Variants in GALNTL6 observed in about 807,000 individuals in gnomAD.
GALNTL6 encodes the protein polypeptide N-acetylgalactosaminyltransferase like 6.
GALNTL6 carries 46 observed loss-of-function variants against 73.7 expected under a neutral mutation model. That is an observed-to-expected ratio of 0.62 (90% CI 0.49 to 0.80). GALNTL6 has a LOEUF of 0.80. Among genes scored for constraint, GALNTL6 ranks in the 30% least tolerant of loss-of-function variants. The pLI, the probability that GALNTL6 is intolerant of heterozygous loss-of-function variation, is 0.00. For synonymous variants in GALNTL6, 259 were observed against 263.7 expected (o/e 0.98, Z 0.17); for missense variants, 604 against 755.0 (o/e 0.80, Z 2.34).
chr4:172,092,847 T>C (rs999230269), intron 2 of GALNTL6, among the ~76,000 whole-genome samples: 1 of 151,458 alleles, frequency 6.6e-6, no homozygotes, highest in Non-Finnish European at 1.5e-5. Flanking sequence ...AGTTTACTAT[T>C]AAGGCTAAAG....
chr4:172,158,187 T>A (rs1031310304), intron 2 of GALNTL6, among the ~76,000 whole-genome samples: 6 of 152,224 alleles, frequency 3.9e-5, no homozygotes, highest in African/African-American at 1.4e-4. Flanking sequence ...TCCTAGGCAA[T>A]TAAAAATCTG....
chr4:172,416,807 C>A (rs763795993), intron 5 of GALNTL6, among the ~76,000 whole-genome samples: 35 of 152,196 alleles, frequency 2.3e-4, no homozygotes, highest in Non-Finnish European at 4.6e-4. Context: ...ACTTGAGACA[C>A]AAAACATTTA....
At chr4:172,039,105 G>A (rs1345269262) in intron 2 of GALNTL6, among the ~76,000 whole-genome samples, 1 of 151,996 alleles carries the variant, frequency 6.6e-6, no homozygotes, top group Admixed American at 6.6e-5. Context: ...TATTTCTTTT[G>A]TTCTTCATTT....
intron 2 of GALNTL6, among the ~76,000 whole-genome samples, chr4:171,940,105 T>C (rs981764624): frequency 3.5e-4 from 54 of 152,244 alleles, no homozygotes; most frequent in Admixed American, 1.3e-3. Flanking sequence ...ATCTATCTTG[T>C]ATGTATGAGA....
chr4:172,442,960 T>A (rs1731885096), intron 5 of GALNTL6, among the ~76,000 whole-genome samples: 1 of 151,470 alleles, frequency 6.6e-6, no homozygotes. Context: ...ACTAAGGGGA[T>A]TTTATCTATT....
At chr4:172,271,084 T>C (rs185877890) in intron 3 of GALNTL6, among the ~76,000 whole-genome samples, 23 of 152,242 alleles carry the variant, frequency 1.5e-4, no homozygotes, top group Admixed American at 1.4e-3. Context: ...AGGAGACAAA[T>C]GAAGTGCTTT....
At chr4:172,380,168 C>G (rs1363536788) in intron 5 of GALNTL6, 1 of 1,035,166 alleles carries the variant, frequency 9.7e-7, no homozygotes, top group African/African-American at 1.6e-5. Context: ...GGCCTGGATC[C>G]GTAGCAGAAC....
At chr4:171,870,805 A>G (rs1245247406) in intron 2 of GALNTL6, among the ~76,000 whole-genome samples, 4 of 152,208 alleles carry the variant, frequency 2.6e-5, no homozygotes, top group Non-Finnish European at 4.4e-5. Flanking sequence ...TGCAGCTATA[A>G]GCCAAGGATC....
intron 5 of GALNTL6, among the ~76,000 whole-genome samples, chr4:172,611,376 T>C (rs968496724): frequency 2.6e-5 from 4 of 151,834 alleles, no homozygotes; most frequent in Admixed American, 6.6e-5. Flanking sequence ...AAGTAATGAA[T>C]ACTCTTACTA....
At chr4:172,974,698 C>T (rs1750729252) in intron 10 of GALNTL6, among the ~76,000 whole-genome samples, 1 of 152,214 alleles carries the variant, frequency 6.6e-6, no homozygotes, top group African/African-American at 2.4e-5. Flanking sequence ...ATCCTACCAG[C>T]CTGAATCCCA....
intron 2 of GALNTL6, among the ~76,000 whole-genome samples, chr4:171,822,016 AAG>A (rs1389679578): frequency 3.9e-5 from 6 of 152,182 alleles, no homozygotes; most frequent in African/African-American, 1.4e-4. Flanking sequence ...GAAAAGAAAA[AAG>A]GCAATATTTC....
intron 2 of GALNTL6, among the ~76,000 whole-genome samples, chr4:171,887,734 T>C (rs961195021): frequency 3.3e-5 from 5 of 152,210 alleles, no homozygotes; most frequent in Non-Finnish European, 7.4e-5. Flanking sequence ...TTGCTTTATC[T>C]TGAAAGGTAT....
intron 5 of GALNTL6, among the ~76,000 whole-genome samples, chr4:172,475,871 A>G (rs749009858): frequency 1.9e-4 from 29 of 152,356 alleles, no homozygotes; most frequent in Non-Finnish European, 2.2e-4. Context: ...AATGTGTCCA[A>G]TCAACCCTCA....
At chr4:172,815,580 C>A (rs921077780) in intron 7 of GALNTL6, among the ~76,000 whole-genome samples, 1 of 152,166 alleles carries the variant, frequency 6.6e-6, no homozygotes, top group Admixed American at 6.5e-5. Flanking sequence ...GATCAAAATG[C>A]CGTCAGAGGA....
intron 5 of GALNTL6, among the ~76,000 whole-genome samples, chr4:172,414,874 T>C (rs1315453833): frequency 6.6e-6 from 1 of 152,174 alleles, no homozygotes; most frequent in Non-Finnish European, 1.5e-5. Flanking sequence ...AAATTGACTT[T>C]TATCTTGAGT....
intron 2 of GALNTL6, among the ~76,000 whole-genome samples, chr4:172,048,934 G>A (rs1742292522): frequency 6.6e-6 from 1 of 152,060 alleles, no homozygotes; most frequent in African/African-American, 2.4e-5. Context: ...AAAGAGCCAA[G>A]CTATAAAGCC....
At chr4:172,708,345 G>A (rs945016527) in intron 5 of GALNTL6, among the ~76,000 whole-genome samples, 7 of 152,100 alleles carry the variant, frequency 4.6e-5, no homozygotes, top group African/African-American at 1.2e-4. Flanking sequence ...GGCCTGAGCC[G>A]CCACACCCTG....
chr4:172,414,552 A>G (rs902744944), intron 5 of GALNTL6, among the ~76,000 whole-genome samples: 2 of 152,132 alleles, frequency 1.3e-5, no homozygotes, highest in Non-Finnish European at 2.9e-5. Flanking sequence ...GATGATCTGT[A>G]GGTTTATTGT....
At chr4:172,097,486 A>G (rs1377056251) in intron 2 of GALNTL6, among the ~76,000 whole-genome samples, 1 of 152,100 alleles carries the variant, frequency 6.6e-6, no homozygotes, top group Non-Finnish European at 1.5e-5. Flanking sequence ...TACTTTATTG[A>G]TAAAATGGAA....
Sources: gnomAD v4.1 joint callset for allele counts (sites outside exome capture counted in the v4.1 genomes callset) on GRCh38, gnomAD v4.1.1 for gene constraint, MANE v1.5 for transcripts, NCBI Gene and HGNC (gene_info 2026-07-23, HGNC 2026-07-21) for gene names.